Variants in MAU2 observed in about 807,000 individuals in gnomAD.
MAU2 encodes the protein MAU2 chromatid cohesion factor homolog.
In MAU2, 9 loss-of-function variants were observed where a neutral mutation model predicts 89.1. That is an observed-to-expected ratio of 0.10 (90% CI 0.06 to 0.18). MAU2 has a LOEUF of 0.18. MAU2 is among the 10% of genes least tolerant of loss of function. The pLI is 1.00. For synonymous variants in MAU2, 357 were observed against 343.4 expected (o/e 1.04, Z -0.44); for missense variants, 425 against 803.5 (o/e 0.53, Z 5.69).
At position 19,345,811 on chromosome 19, in the gene MAU2, G is replaced by A. The variant is rs1032065828; in HGVS notation, c.1221+442G>A. On this transcript the variant is annotated intron_variant, in intron 12 of 18. Coordinates refer to ENST00000262815, the MANE Select transcript of MAU2 (RefSeq NM_015329.4). The surrounding 1 kb of genome is among the most constrained non-coding windows in gnomAD (Gnocchi z 4.9). ...GGACTCTTGGTCCTGCTGGGCCGGA[G>A]AGGGTGAAGCAGCACCCCAGGCTCC... Among the ~76,000 whole-genome samples the A allele has an allele frequency of 3.3e-5, 5 of 152,172 alleles. No individual in the cohort carries two copies. Among genetic ancestry groups the A allele is most frequent in the African/African-American group, 1.2e-4 (5 of 41,440 alleles).
At chr19:19,340,931 C>T in intron 6 of MAU2, 58 bp downstream of exon 6, 1 of 1,606,006 alleles carries the variant, frequency 6.2e-7, no homozygotes, top group Non-Finnish European at 8.5e-7. Flanking sequence ...GAGGCAGGGC[C>T]CCCACAGAGT....
intron 1 of MAU2, among the ~76,000 whole-genome samples, chr19:19,326,804 C>A (rs2061512629): frequency 6.8e-6 from 1 of 146,764 alleles, no homozygotes; most frequent in Admixed American, 7.0e-5. Flanking sequence ...TAAGGCAAGA[C>A]AATTCTTGAG....
Position 19,355,399 on chromosome 19 carries a change from T to C in MAU2, c.1767+8T>C. ...GAACACAACCTCATCACGGTACGGG[T>C]GTGGGTGTTAGGGGACGGGATCAGG... On this transcript the variant is annotated splice_region_variant and intron_variant, in intron 18 of 18. Transcript: ENST00000262815. 6.2e-7 allele frequency: 1 copy of C among 1,613,478 alleles called. No individual in the cohort carries two copies.
In MAU2 at chr19:19,340,470, T is replaced by G. The variant is rs1393025044; in HGVS notation, c.552-376T>G. Among the ~76,000 whole-genome samples, 7 of 150,380 alleles carry G rather than the reference T, an allele frequency of 4.7e-5. No individual in the cohort carries two copies. The Admixed American group carries it at 4.7e-4, about 10-fold the overall frequency. ...CTGGCTAACACGGTGAAATTCTGTC[T>G]CTACTAAAAATACAAAAAATTAGCC... On this transcript the variant is annotated intron_variant, in intron 5 of 18. Transcript: ENST00000262815.
In MAU2 at chr19:19,356,420, G is replaced by A. The variant is rs1258966783; in HGVS notation, c.*638G>A. 2 of 265,584 alleles carry A rather than the reference G, an allele frequency of 7.5e-6. No individual in the cohort carries two copies. The highest frequency in any genetic ancestry group is 1.0e-4 in the Admixed American group (2 of 20,088). 16.5% of individuals were successfully genotyped at this position (265,584 alleles called of 1,614,324 possible). A position where few individuals can be genotyped will look rare whatever the true frequency, so the allele number is the denominator to read the frequency against. On this transcript the variant is annotated 3_prime_UTR_variant, in exon 19 of 19. Transcript: ENST00000262815. ...AAACATCTGCACCTTGACCGGACTC[G>A]CCATCCCGCCGTGGGGGTGCAGGTG...
chr19:19,327,389 G>A (rs567039964), intron 1 of MAU2, among the ~76,000 whole-genome samples: 63 of 151,406 alleles, frequency 4.2e-4, no homozygotes, highest in South Asian at 1.9e-3. Flanking sequence ...GCAATGGCGC[G>A]ATCTCGGCTC....
At chr19:19,346,367 G>A (rs187200510) in intron 12 of MAU2, among the ~76,000 whole-genome samples, 120 of 152,182 alleles carry the variant, frequency 7.9e-4, no homozygotes, top group Admixed American at 2.4e-3. Context: ...TTGGTTCCGC[G>A]TCAAAGTTCC....
In MAU2 at chr19:19,355,907, G is replaced by T; in HGVS notation, c.*125G>T. The stretch of plus-strand genomic sequence containing the variant: ...TGTCTCTAGAGCTTCCAAGTCCTGG[G>T]AATGTGCGGGGCCAGTCCCTGCCCT... On this transcript the variant is annotated 3_prime_UTR_variant, in exon 19 of 19. Transcript: ENST00000262815. 1.1e-6 allele frequency: 1 copy of T among 944,300 alleles called. No individual in the cohort carries two copies. The highest frequency in any genetic ancestry group is 2.5e-5 in the East Asian group (1 of 40,042). The allele number at this position is 944,300 out of a possible 1,614,324, so 58.5% of individuals were successfully genotyped here. A position where few individuals can be genotyped will look rare whatever the true frequency, so the allele number is the denominator to read the frequency against.
intron 16 of MAU2, chr19:19,353,871 G>A (rs1047426248): frequency 1.7e-5 from 3 of 180,188 alleles, no homozygotes; most frequent in South Asian, 2.4e-4. Flanking sequence ...CAGGGAGTCC[G>A]GATTGGAGGA....
chr19:19,350,628 T>G (rs12459854), intron 16 of MAU2, among the ~76,000 whole-genome samples: 1 of 148,876 alleles, frequency 6.7e-6, no homozygotes, highest in Admixed American at 6.7e-5. Flanking sequence ...AGGCCGGGCA[T>G]GGTGGCTCAC....
At chr19:19,353,312 A>G (rs2061759870) in intron 16 of MAU2, 1 of 152,236 alleles carries the variant, frequency 6.6e-6, no homozygotes, top group South Asian at 2.1e-4. Context: ...TTGGCTTTCT[A>G]CAGGGAGCCC....
At chr19:19,344,666 T>C in intron 10 of MAU2, 183 bp from the exon 11 acceptor site, 3 of 610,756 alleles carry the variant, frequency 4.9e-6, no homozygotes, top group Non-Finnish European at 5.9e-6. Context: ...CAAGGGTCCC[T>C]GTCCACGATG....
intron 12 of MAU2, among the ~76,000 whole-genome samples, chr19:19,346,108 C>T (rs58489806): frequency 0.11 from 17,184 of 152,042 alleles, 1,120 homozygotes; most frequent in African/African-American, 0.17. Context: ...TCCCATTCCA[C>T]GGCACCCCGC....
At chr19:19,329,903 C>T (rs1238340874) in intron 1 of MAU2, among the ~76,000 whole-genome samples, 1 of 152,044 alleles carries the variant, frequency 6.6e-6, no homozygotes, top group Admixed American at 6.6e-5. Context: ...TTACAGTGAG[C>T]CATGATTGCA....
At chr19:19,352,383 A>G (rs543214059) in intron 16 of MAU2, 1 of 152,336 alleles carries the variant, frequency 6.6e-6, no homozygotes, top group South Asian at 2.1e-4. Context: ...ACACACAGAC[A>G]CATAACTGTG....
At chr19:19,328,700 C>T (rs1426944821) in intron 1 of MAU2, among the ~76,000 whole-genome samples, 2 of 152,184 alleles carry the variant, frequency 1.3e-5, no homozygotes, top group South Asian at 2.1e-4. Context: ...GGATTACAGG[C>T]GTGAGCCACC....
chr19:19,347,395 CTT>C (rs1165215326), intron 13 of MAU2, 29 bp downstream of exon 13: 2 of 1,553,054 alleles, frequency 1.3e-6, no homozygotes, highest in Admixed American at 3.3e-5. Context: ...GTTCGGTATC[CTT>C]TCTCTCTGTT....
At chr19:19,329,738 C>CT (rs2061539533) in intron 1 of MAU2, among the ~76,000 whole-genome samples, 1 of 151,572 alleles carries the variant, frequency 6.6e-6, no homozygotes, top group Admixed American at 6.6e-5. Context: ...CTTTGGGAGG[C>CT]TAAGGCGGGA....
At chr19:19,325,556 T>A (rs1203904478) in intron 1 of MAU2, among the ~76,000 whole-genome samples, 1 of 152,162 alleles carries the variant, frequency 6.6e-6, no homozygotes, top group Non-Finnish European at 1.5e-5. Context: ...TTCAGCTCAC[T>A]GCATACTCCA....
Sources: allele counts gnomAD v4.1 joint callset (sites outside exome capture counted in the v4.1 genomes callset), GRCh38; gene constraint gnomAD v4.1.1; non-coding constraint Gnocchi (gnomAD v3.1); transcripts MANE v1.5; gene names NCBI Gene and HGNC (gene_info 2026-07-23, HGNC 2026-07-21).